SDK2: variants seen among roughly 807,000 people sequenced by gnomAD.
SDK2 encodes protein sidekick-2.
A neutral mutation model predicts 253.9 loss-of-function variants in SDK2; 105 were observed. That is an observed-to-expected ratio of 0.41 (90% confidence interval 0.35 to 0.49). The LOEUF (loss-of-function observed/expected upper bound fraction) is 0.49. SDK2 is among the 20% of genes least tolerant of loss of function. The pLI is 0.06. For synonymous variants in SDK2, 1,249 were observed against 1,234.9 expected (o/e 1.01, Z -0.24); for missense variants, 2,608 against 3,003.0 (o/e 0.87, Z 3.07).
chr17:73,398,011 C>T (rs777365139), intron 24 of SDK2, 24 bp downstream of exon 24: 5 of 1,605,828 alleles, frequency 3.1e-6, no homozygotes, highest in Non-Finnish European at 4.2e-6. Context: ...AGAGGTCCCA[C>T]CCCTGCCCTC....
At chr17:73,544,343 A>G (rs2044921345) in intron 1 of SDK2, among the ~76,000 whole-genome samples, 1 of 152,060 alleles carries the variant, frequency 6.6e-6, no homozygotes, top group African/African-American at 2.4e-5. Context: ...CAGCATCATC[A>G]CTGCCATTCC....
intron 1 of SDK2, among the ~76,000 whole-genome samples, chr17:73,630,946 CA>C (rs1454074860): frequency 1.3e-5 from 2 of 152,090 alleles, no homozygotes; most frequent in African/African-American, 4.8e-5. Flanking sequence ...GTTCTTCGTC[CA>C]CCAGGGCCTG....
At chr17:73,422,220 G>T (rs376716856) in intron 15 of SDK2, 67 bp downstream of exon 15, 2 of 1,570,000 alleles carry the variant, frequency 1.3e-6, no homozygotes, top group East Asian at 2.3e-5. Flanking sequence ...CTGCCACATC[G>T]GTTTCGGCTG....
At chr17:73,450,462 C>T (rs1048400522) in intron 4 of SDK2, among the ~76,000 whole-genome samples, 1 of 152,126 alleles carries the variant, frequency 6.6e-6, no homozygotes, top group African/African-American at 2.4e-5. Flanking sequence ...CACTATGTGC[C>T]GGGACCATGC....
At chr17:73,566,008 G>C (rs1426243110) in intron 1 of SDK2, among the ~76,000 whole-genome samples, 1 of 152,170 alleles carries the variant, frequency 6.6e-6, no homozygotes, top group Non-Finnish European at 1.5e-5. Flanking sequence ...ATTTTTAGTA[G>C]AGACGGGTTT....
chr17:73,408,414 C>T (rs567425432), intron 18 of SDK2, among the ~76,000 whole-genome samples: 2 of 151,052 alleles, frequency 1.3e-5, no homozygotes, highest in South Asian at 2.1e-4. Flanking sequence ...TTAGTAGAGA[C>T]GGGGTTTCAC....
At chr17:73,445,723 G>GGCAT in intron 5 of SDK2, among the ~76,000 whole-genome samples, 1 of 152,290 alleles carries the variant, frequency 6.6e-6, no homozygotes, top group Non-Finnish European at 1.5e-5. Context: ...CAGGCAGGCA[G>GGCAT]GCAGGCTGGG....
rs1231365033 is a variant in SDK2, at chr17:73,404,011, C to T, written c.2485-1870G>A. On this transcript the variant is annotated intron_variant, in intron 18 of 44. Coordinates refer to ENST00000392650, the MANE Select transcript of SDK2 (RefSeq NM_001144952.2). ...TCTGGGTAAATATTATCTTCCTGGG[C>T]TTAGGCCAATTATAAGCTCTACCAT... Among the ~76,000 whole-genome samples, 3 of 152,246 alleles carry T rather than the reference C, an allele frequency of 2.0e-5. No individual in the cohort carries two copies. In the East Asian group the frequency reaches 5.8e-4, roughly 29 times the overall value.
intron 5 of SDK2, 50 bp from the exon 6 acceptor site, chr17:73,440,973 C>T: frequency 1.5e-6 from 2 of 1,356,882 alleles, no homozygotes; most frequent in South Asian, 1.3e-5. Context: ...AATCCTATCC[C>T]TGCCCAGCCT....
At chr17:73,598,885 C>T (rs1023220786) in intron 1 of SDK2, among the ~76,000 whole-genome samples, 2 of 152,210 alleles carry the variant, frequency 1.3e-5, no homozygotes, top group African/African-American at 4.8e-5. Flanking sequence ...TCCATTTACA[C>T]AATAAAATGA....
In SDK2 at chr17:73,435,501, C is replaced by A; in HGVS notation, c.1144G>T (p.Ala382Ser). The A allele has an allele frequency of 6.2e-7, 1 of 1,600,952 alleles. No homozygotes were observed. Among genetic ancestry groups the A allele is most frequent in the Non-Finnish European group, 8.5e-7 (1 of 1,174,098 alleles). ...TGCACCTCGCCGGCTGCATTGCGGG[C>A]GAAGCACTGGAACATGCCGGTATCA... ...PDDTGMFQCF[A>S]RNAAGEVQTS... The change falls in exon 9 of 45, where the codon GCC (alanine) becomes TCC (serine). Residue 382 changes from alanine to serine, a missense_variant. Coordinates refer to ENST00000392650, the MANE Select transcript of SDK2 (RefSeq NM_001144952.2). The surrounding 1 kb of genome is among the most constrained non-coding windows in gnomAD (Gnocchi z 5.7).
intron 15 of SDK2, among the ~76,000 whole-genome samples, chr17:73,422,074 C>T (rs1018403836): frequency 4.6e-5 from 7 of 152,158 alleles, no homozygotes; most frequent in Non-Finnish European, 1.0e-4. Flanking sequence ...GGTTGGTGCT[C>T]ACCGCGTTCC....
intron 44 of SDK2, among the ~76,000 whole-genome samples, chr17:73,347,353 C>CA (rs540170763): frequency 3.6e-4 from 55 of 152,096 alleles, no homozygotes; most frequent in Non-Finnish European, 6.2e-4. Flanking sequence ...GGCTTAACAA[C>CA]AAAAAAACTC....
intron 1 of SDK2, among the ~76,000 whole-genome samples, chr17:73,545,042 G>T (rs749878917): frequency 3.8e-5 from 5 of 132,912 alleles, no homozygotes; most frequent in Non-Finnish European, 8.2e-5. Context: ...GCATTTTAAA[G>T]ATTTTCATAG....
At chr17:73,600,783 C>A (rs1418934468) in intron 1 of SDK2, among the ~76,000 whole-genome samples, 5 of 152,158 alleles carry the variant, frequency 3.3e-5, no homozygotes, top group Non-Finnish European at 5.9e-5. Flanking sequence ...CATCCTATCT[C>A]CACTCCCCAC....
chr17:73,340,037 A>AT (rs995558275), intron 44 of SDK2, among the ~76,000 whole-genome samples: 98 of 151,794 alleles, frequency 6.5e-4, no homozygotes, highest in African/African-American at 2.3e-3. Context: ...TGCCTGGCTA[A>AT]TTTTTTGTAT....
rs535416617 is a variant in SDK2 at position 73,447,628 on chromosome 17, C to T, written c.600G>A (p.Thr200=). The T allele has an allele frequency of 1.5e-4, 240 of 1,551,856 alleles. No homozygotes were observed. Among genetic ancestry groups the T allele is most frequent in the Non-Finnish European group, 1.8e-4 (211 of 1,147,072 alleles). Residue 200 remains threonine, a synonymous_variant, in exon 5 of 45, where the codon ACG becomes ACA. Transcript: ENST00000392650. This position sits in a 1 kb window ranked among gnomAD's most constrained non-coding sequence, Gnocchi z 4.0. ...GTGCGTACTTACTCTCCACGGTGAG[C>T]GTGATGGGCTGGCTGGTCTTGTTAT... is the stretch of plus-strand genomic sequence containing the variant. The part of the protein sequence containing the change: ...NGDNKTSQPI[T]LTVENVGGPA...
chr17:73,368,147 T>A (rs2062701357), intron 37 of SDK2, among the ~76,000 whole-genome samples: 1 of 151,762 alleles, frequency 6.6e-6, no homozygotes, highest in South Asian at 2.1e-4. Context: ...ACTGTCCGTC[T>A]GCAAGGCGGG....
Position 73,379,394 on chromosome 17 carries a change from C to A in SDK2, c.4864+54G>T. ...CCAGATCCCGTTTCTTCCAGCTGAACTGGGTGGGGCTGGGAAAGGCATGCT... is the reference window on the plus strand; with the variant it reads ...CCAGATCCCGTTTCTTCCAGCTGAAATGGGTGGGGCTGGGAAAGGCATGCT... On this transcript the variant is annotated intron_variant, in intron 35 of 44. Coordinates refer to ENST00000392650, the MANE Select transcript of SDK2 (RefSeq NM_001144952.2). This position sits in a 1 kb window ranked among gnomAD's most constrained non-coding sequence, Gnocchi z 4.5. The A allele has an allele frequency of 6.5e-7, 1 of 1,529,714 alleles. No individual in the cohort carries two copies. Among genetic ancestry groups the A allele is most frequent in the East Asian group, 2.3e-5 (1 of 44,002 alleles). The allele number at this position is 1,529,714 out of a possible 1,614,324, so 94.8% of individuals were successfully genotyped here. A position where few individuals can be genotyped will look rare whatever the true frequency, so the allele number is the denominator to read the frequency against.
Sources: allele counts gnomAD v4.1 joint callset (sites outside exome capture counted in the v4.1 genomes callset), GRCh38; gene constraint gnomAD v4.1.1; non-coding constraint Gnocchi (gnomAD v3.1); transcripts MANE v1.5; gene names NCBI Gene and HGNC (gene_info 2026-07-23, HGNC 2026-07-21).